ST6GALNAC3: variants seen among roughly 807,000 people sequenced by gnomAD.
ST6GALNAC3 encodes alpha-N-acetylgalactosaminide alpha-2,6-sialyltransferase 3.
Under a neutral mutation model 32.7 loss-of-function variants are expected in ST6GALNAC3, and 25 were observed. That is an observed-to-expected ratio of 0.76 (90% CI 0.56 to 1.07). The LOEUF (loss-of-function observed/expected upper bound fraction) is 1.07. Among genes scored for constraint, ST6GALNAC3 ranks in the 50% least tolerant of loss-of-function variants. The probability of loss-of-function intolerance (pLI) is 0.00; values close to 1 mark genes in which losing one functional copy is unlikely to be tolerated. For synonymous variants in ST6GALNAC3, 129 were observed against 133.1 expected (o/e 0.97, Z 0.21); for missense variants, 355 against 382.4 (o/e 0.93, Z 0.60).
intron 3 of ST6GALNAC3, among the ~76,000 whole-genome samples, chr1:76,460,590 G>A (rs906406359): frequency 6.6e-6 from 1 of 152,178 alleles, no homozygotes; most frequent in African/African-American, 2.4e-5. Context: ...TGTTGCATCT[G>A]TAAAGTTTCA....
intron 1 of ST6GALNAC3, among the ~76,000 whole-genome samples, chr1:76,097,601 A>G (rs754519226): frequency 2.0e-5 from 3 of 152,196 alleles, no homozygotes; most frequent in Non-Finnish European, 4.4e-5. Context: ...TTATTAGTGC[A>G]TGAGAACAGA....
intron 1 of ST6GALNAC3, among the ~76,000 whole-genome samples, chr1:76,077,042 G>A (rs1646826241): frequency 1.3e-5 from 2 of 152,146 alleles, no homozygotes; most frequent in Admixed American, 1.3e-4. Flanking sequence ...GACAGTCTGG[G>A]CTGGATCTTT....
chr1:76,272,024 C>T (rs1658872329), intron 1 of ST6GALNAC3, among the ~76,000 whole-genome samples: 2 of 151,902 alleles, frequency 1.3e-5, no homozygotes, highest in African/African-American at 4.8e-5. Flanking sequence ...GGTGCATTGT[C>T]TTATTACATT....
At chr1:76,472,999 AATAG>A (rs1659132264) in intron 3 of ST6GALNAC3, among the ~76,000 whole-genome samples, 2 of 152,086 alleles carry the variant, frequency 1.3e-5, no homozygotes, top group African/African-American at 2.4e-5. Flanking sequence ...AGAAGAGGTG[AATAG>A]ATGGATGGAT....
intron 3 of ST6GALNAC3, among the ~76,000 whole-genome samples, chr1:76,450,529 T>G (rs1188231981): frequency 6.6e-6 from 1 of 152,208 alleles, no homozygotes; most frequent in Non-Finnish European, 1.5e-5. Flanking sequence ...GTCTGTTTAC[T>G]GATTGTTACT....
intron 2 of ST6GALNAC3, among the ~76,000 whole-genome samples, chr1:76,357,301 CT>C (rs1649559526): frequency 6.6e-6 from 1 of 151,832 alleles, no homozygotes; most frequent in South Asian, 2.1e-4. Flanking sequence ...TGCCCAGCTA[CT>C]TTTTTGTATT....
At chr1:76,214,426 G>T (rs1655343897) in intron 1 of ST6GALNAC3, among the ~76,000 whole-genome samples, 1 of 151,998 alleles carries the variant, frequency 6.6e-6, no homozygotes, top group African/African-American at 2.4e-5. Flanking sequence ...TTGAGATGGA[G>T]TCTCACCTCT....
chr1:76,214,605 A>C (rs577251531), intron 1 of ST6GALNAC3, among the ~76,000 whole-genome samples: 1 of 152,338 alleles, frequency 6.6e-6, no homozygotes, highest in South Asian at 2.1e-4. Flanking sequence ...TGGAATAAAA[A>C]TCTAAGCTTC....
chr1:76,379,089 G>A (rs1364768719), intron 2 of ST6GALNAC3, among the ~76,000 whole-genome samples: 5 of 152,022 alleles, frequency 3.3e-5, no homozygotes, highest in East Asian at 1.9e-4. Flanking sequence ...GTAAAGATGG[G>A]GCTTCACTGT....
intron 1 of ST6GALNAC3, among the ~76,000 whole-genome samples, chr1:76,161,294 G>C (rs994059546): frequency 6.6e-6 from 1 of 152,184 alleles, no homozygotes; most frequent in African/African-American, 2.4e-5. Context: ...GTTATTAAAG[G>C]GATTCAAACA....
At chr1:76,117,129 C>T (rs1282036667) in intron 1 of ST6GALNAC3, among the ~76,000 whole-genome samples, 3 of 152,118 alleles carry the variant, frequency 2.0e-5, no homozygotes, top group Non-Finnish European at 4.4e-5. Context: ...GTTTCTGTCA[C>T]TAATGTAAAA....
intron 3 of ST6GALNAC3, among the ~76,000 whole-genome samples, chr1:76,434,370 A>G (rs988971096): frequency 6.6e-6 from 1 of 152,246 alleles, no homozygotes; most frequent in African/African-American, 2.4e-5. Context: ...TTGGTCTGTC[A>G]GGCTAACTAA....
chr1:76,538,371 A>G (rs1663758198), intron 3 of ST6GALNAC3, among the ~76,000 whole-genome samples: 1 of 152,188 alleles, frequency 6.6e-6, no homozygotes, highest in Non-Finnish European at 1.5e-5. Flanking sequence ...AACATATCTC[A>G]AAATAATAAG....
intron 1 of ST6GALNAC3, among the ~76,000 whole-genome samples, chr1:76,288,916 A>G (rs146859407): frequency 6.6e-5 from 10 of 152,178 alleles, no homozygotes; most frequent in Admixed American, 3.9e-4. Context: ...CTCATTTCAT[A>G]TATGAAAGTG....
At chr1:76,383,441 A>ATT (rs34140871) in intron 2 of ST6GALNAC3, among the ~76,000 whole-genome samples, 14,960 of 134,238 alleles carry the variant, frequency 0.11, 1,626 homozygotes, top group African/African-American at 0.28. Context: ...TGGCTAATTA[A>ATT]TTTTTTTTTT....
At chr1:76,581,890 A>T (rs557279424) in intron 3 of ST6GALNAC3, among the ~76,000 whole-genome samples, 1 of 152,120 alleles carries the variant, frequency 6.6e-6, no homozygotes, top group Non-Finnish European at 1.5e-5. Flanking sequence ...CACAGTTTTT[A>T]CTCTGATACT....
chr1:76,607,161 A>G (rs1178243713), intron 3 of ST6GALNAC3, among the ~76,000 whole-genome samples: 4 of 152,226 alleles, frequency 2.6e-5, no homozygotes, highest in Non-Finnish European at 5.9e-5. Context: ...TATAAAGGAT[A>G]CAACTCAGGA....
At chr1:76,341,858 T>C (rs904868757) in intron 2 of ST6GALNAC3, among the ~76,000 whole-genome samples, 2 of 151,926 alleles carry the variant, frequency 1.3e-5, no homozygotes, top group African/African-American at 4.8e-5. Context: ...ATCCCTCCCC[T>C]ATCCCCCTGC....
chr1:76,309,825 C>T (rs1217758536), intron 1 of ST6GALNAC3: 1 of 385,172 alleles, frequency 2.6e-6, no homozygotes, highest in Non-Finnish European at 5.2e-6. Flanking sequence ...TCTCTGGTTG[C>T]TCCCTTCACC....
Sources: allele counts gnomAD v4.1 joint callset (sites outside exome capture counted in the v4.1 genomes callset), GRCh38; gene constraint gnomAD v4.1.1; transcripts MANE v1.5; gene names NCBI Gene and HGNC (gene_info 2026-07-23, HGNC 2026-07-21).